SUGP2: variants seen among roughly 807,000 people sequenced by gnomAD.
The protein encoded by SUGP2 is SURP and G-patch domain-containing protein 2.
SUGP2 carries 24 observed loss-of-function variants against 90.5 expected under a neutral mutation model. That is an observed-to-expected ratio of 0.27 (90% CI 0.19 to 0.37). The LOEUF is 0.37. SUGP2 is among the 10% of genes least tolerant of loss of function. SUGP2 has a pLI of 1.00. For missense variants in SUGP2, 1,233 were observed against 1,363.3 expected (o/e 0.90, Z 1.51); for synonymous variants, 473 against 513.4 (o/e 0.92, Z 1.06).
intron 4 of SUGP2, among the ~76,000 whole-genome samples, chr19:19,011,088 G>T (rs955494036): frequency 1.2e-4 from 18 of 151,110 alleles, no homozygotes; most frequent in African/African-American, 4.1e-4. Flanking sequence ...GTGGTGAGCT[G>T]TGATTGCACC....
At chr19:19,011,978 C>T (rs528705616) in intron 4 of SUGP2, among the ~76,000 whole-genome samples, 42 of 152,262 alleles carry the variant, frequency 2.8e-4, no homozygotes, top group East Asian at 1.7e-3. Flanking sequence ...TATTAAGTAG[C>T]GACATATCAG....
At chr19:18,994,522 A>G in intron 9 of SUGP2, 36 bp from the exon 10 acceptor site, 1 of 1,609,372 alleles carries the variant, frequency 6.2e-7, no homozygotes, top group Non-Finnish European at 8.5e-7. Context: ...TGTGCACCTG[A>G]GCCCAGGGCC....
At chr19:19,008,538 C>A in intron 5 of SUGP2, 110 bp from the exon 6 acceptor site, 1 of 855,784 alleles carries the variant, frequency 1.2e-6, no homozygotes, top group Non-Finnish European at 2.0e-6. Context: ...TGTCCCCTCC[C>A]TGTAGCCTTG....
chr19:19,007,481 T>C (rs2145437459), intron 6 of SUGP2: 1 of 152,838 alleles, frequency 6.5e-6, no homozygotes, highest in Middle Eastern at 3.3e-3. Flanking sequence ...AGATGGAGTT[T>C]CACTCTTGTT....
rs1270508214 is a variant in SUGP2, at chr19:19,010,279, C to A, written c.1914G>T (p.Gln638His). Residue 638 changes from glutamine to histidine, a missense_variant, in exon 5 of 11, where the codon CAG becomes CAT. By Grantham distance (24) the Gln-to-His change is conservative. Coordinates refer to ENST00000452918, the MANE Select transcript of SUGP2 (RefSeq NM_001017392.5). ...CTCCTCGCAAGTTCTCGCTCATCCGCTGCATTTCTGCCAACTTCAGCTTGT... is the reference window on the plus strand; with the variant it reads ...CTCCTCGCAAGTTCTCGCTCATCCGATGCATTTCTGCCAACTTCAGCTTGT... ...KYYKLKLAEMQRMSENLRGAD... is the reference protein window; with the variant it reads ...KYYKLKLAEMHRMSENLRGAD... The A allele has an allele frequency of 6.2e-7, 1 of 1,614,018 alleles. No individual in the cohort carries two copies. Among genetic ancestry groups the A allele is most frequent in the South Asian group, 1.1e-5 (1 of 91,090 alleles).
intron 6 of SUGP2, 58 bp downstream of exon 6, chr19:19,008,259 T>TTA: frequency 7.1e-7 from 1 of 1,400,216 alleles, no homozygotes; most frequent in Non-Finnish European, 1.0e-6. Flanking sequence ...AGCAACATCC[T>TTA]TAGACTTTGT....
intron 9 of SUGP2, 147 bp from the exon 10 acceptor site, chr19:18,994,633 TCA>T (rs1435035318): frequency 1.7e-6 from 2 of 1,159,674 alleles, no homozygotes; most frequent in Non-Finnish European, 2.4e-6. Context: ...AAGACGCGAC[TCA>T]CAGTAGAAAC....
Position 19,026,630 on chromosome 19 carries a change from A to G in SUGP2, c.122-404T>C, listed in dbSNP as rs137860523. ...CTGAGGAAAGGGTGTTTGGTCCCCA[A>G]ATAACCTGGATATTTTTACTGCAAC... On this transcript the variant is annotated intron_variant, in intron 2 of 10. Coordinates refer to ENST00000452918, the MANE Select transcript of SUGP2 (RefSeq NM_001017392.5). Among the ~76,000 whole-genome samples, 14 of 152,260 alleles carry G rather than the reference A, an allele frequency of 9.2e-5. No homozygotes were observed. In the East Asian group the frequency reaches 2.7e-3, roughly 29 times the overall value.
In SUGP2 at chr19:19,025,735, CCCTAAGCA is replaced by C; in HGVS notation, c.605_612del (p.Val202GlyfsTer16). 6.2e-7 allele frequency: 1 copy of C among 1,613,968 alleles called. No individual in the cohort carries two copies. Among genetic ancestry groups the C allele is most frequent in the Non-Finnish European group, 8.5e-7 (1 of 1,179,984 alleles). ...CCTCTGGCCTGGACTTGACTGCCGCCCCTAAGCACAGAGTCAGCCTCCCCAGGATGGTC... is the reference window on the plus strand; with the variant it reads ...CCTCTGGCCTGGACTTGACTGCCGCCCAGAGTCAGCCTCCCCAGGATGGTC... On this transcript the variant is annotated frameshift_variant, in exon 3 of 11. Transcript: ENST00000452918. LOFTEE classifies it high-confidence loss of function.
intron 8 of SUGP2, among the ~76,000 whole-genome samples, chr19:18,998,751 T>G (rs2057714456): frequency 6.6e-6 from 1 of 151,558 alleles, no homozygotes; most frequent in African/African-American, 2.4e-5. Context: ...TGCAGGGCAG[T>G]TAAGGAGGGG....
chr19:19,029,516 G>A (rs545577088), intron 2 of SUGP2, among the ~76,000 whole-genome samples: 78 of 149,970 alleles, frequency 5.2e-4, no homozygotes, highest in Admixed American at 1.4e-3. Context: ...TTGGCTCACT[G>A]CAGGCTCCAC....
chr19:19,004,649 G>A lies in SUGP2; in HGVS notation c.2451-3C>T. 6.3e-7 allele frequency: 1 copy of A among 1,587,006 alleles called. No homozygotes were observed. Among genetic ancestry groups the A allele is most frequent in the South Asian group, 1.1e-5 (1 of 88,194 alleles). ...AACTATTTTGGTCATGTAGAAACCTGGGGCACAGAGGAAATACATTGGGTA... is the reference window on the plus strand; with the variant it reads ...AACTATTTTGGTCATGTAGAAACCTAGGGCACAGAGGAAATACATTGGGTA... On this transcript the variant is annotated splice_polypyrimidine_tract_variant and splice_region_variant and intron_variant, in intron 6 of 10. Coordinates refer to ENST00000452918, the MANE Select transcript of SUGP2 (RefSeq NM_001017392.5).
intron 8 of SUGP2, among the ~76,000 whole-genome samples, chr19:18,996,278 C>G (rs2057580327): frequency 6.6e-6 from 1 of 152,160 alleles, no homozygotes; most frequent in Non-Finnish European, 1.5e-5. Context: ...CACCTGTAAT[C>G]CCAGCTACTT....
At chr19:19,019,755 T>C (rs1460446496) in intron 3 of SUGP2, among the ~76,000 whole-genome samples, 5 of 149,662 alleles carry the variant, frequency 3.3e-5, no homozygotes, top group Non-Finnish European at 5.9e-5. Context: ...ATTTTCCTTA[T>C]GCTTTAAGAA....
chr19:18,996,624 C>T (rs2057602770), intron 8 of SUGP2, among the ~76,000 whole-genome samples: 1 of 152,024 alleles, frequency 6.6e-6, no homozygotes. Flanking sequence ...GCAATCTCAA[C>T]TCATTGTAAC....
chr19:19,033,072 G>A (rs1241170261), intron 1 of SUGP2: 1 of 154,258 alleles, frequency 6.5e-6, no homozygotes. Context: ...GCCAGTAAAG[G>A]GGCTGGTGTG....
At chr19:19,029,427 C>T (rs1197180172) in intron 2 of SUGP2, among the ~76,000 whole-genome samples, 1 of 148,450 alleles carries the variant, frequency 6.7e-6, no homozygotes, top group African/African-American at 2.5e-5. Flanking sequence ...AGCCACTGCG[C>T]CCGGCCATTT....
At chr19:19,003,285 A>T (rs1228162670) in intron 7 of SUGP2, among the ~76,000 whole-genome samples, 2 of 152,240 alleles carry the variant, frequency 1.3e-5, no homozygotes. Context: ...TGACTGTTTA[A>T]CACAGTCCCA....
chr19:19,027,355 G>C (rs948817985), intron 2 of SUGP2, among the ~76,000 whole-genome samples: 11 of 152,114 alleles, frequency 7.2e-5, no homozygotes, highest in African/African-American at 2.7e-4. Context: ...TAGGTTAAGA[G>C]GCCACAGGAA....
Sources: allele counts gnomAD v4.1 joint callset (sites outside exome capture counted in the v4.1 genomes callset), GRCh38; gene constraint gnomAD v4.1.1; transcripts MANE v1.5; gene names NCBI Gene and HGNC (gene_info 2026-07-23, HGNC 2026-07-21).